TMEM259: variants seen among roughly 807,000 people sequenced by gnomAD.
The protein encoded by TMEM259 is transmembrane protein 259, also known as membralin.
Under a neutral mutation model 46.7 loss-of-function variants are expected in TMEM259, and 26 were observed. The ratio of observed to expected loss-of-function variants is 0.56; its 90% CI spans 0.41 to 0.77. The LOEUF is 0.77. TMEM259 is among the 30% of genes least tolerant of loss of function. TMEM259 has a pLI of 0.00. For synonymous variants in TMEM259, 494 were observed against 395.1 expected (o/e 1.25, Z -2.97); for missense variants, 930 against 900.5 (o/e 1.03, Z -0.42).
intron 3 of TMEM259, among the ~76,000 whole-genome samples, chr19:1,012,886 G>T (rs56182816): frequency 6.6e-6 from 1 of 152,168 alleles, no homozygotes. Context: ...CAGAGGCCCC[G>T]GCCCTCTGGA....
chr19:1,014,909 C>T (rs917701474), intron 1 of TMEM259, among the ~76,000 whole-genome samples: 4 of 152,170 alleles, frequency 2.6e-5, no homozygotes, highest in South Asian at 2.1e-4. Context: ...ACACCAGGGC[C>T]CTCTGCCAGC....
chr19:1,011,464 T>TGTC lies in TMEM259; in HGVS notation c.1117_1119dup (p.Asp373dup). ...AGGATGATGTAGAAGGCGGTGGTGGTGTCGTTGAAGAACTCCGACATGATG... is the reference window on the plus strand; with the variant it reads ...AGGATGATGTAGAAGGCGGTGGTGGTGTCGTCGTTGAAGAACTCCGACATGATG... On this transcript the variant is annotated inframe_insertion, in exon 9 of 11. Coordinates refer to ENST00000356663, the MANE Select transcript of TMEM259 (RefSeq NM_001033026.2). 6.4e-7 allele frequency: 1 copy of TGTC among 1,555,350 alleles called. No individual in the cohort carries two copies. The highest frequency in any genetic ancestry group is 1.2e-5 in the South Asian group (1 of 84,750).
intron 1 of TMEM259, among the ~76,000 whole-genome samples, chr19:1,018,234 T>C (rs1216862921): frequency 6.6e-6 from 1 of 152,118 alleles, no homozygotes; most frequent in East Asian, 1.9e-4. Flanking sequence ...TGAGGCTGGA[T>C]GGAGGTCTCC....
intron 2 of TMEM259, chr19:1,013,624 C>G: frequency 2.6e-6 from 1 of 386,728 alleles, no homozygotes; most frequent in South Asian, 3.2e-5. Flanking sequence ...CCATGATGCT[C>G]TGCCCAAACA....
Position 1,012,481 on chromosome 19 carries a change from C to G in TMEM259, c.700G>C (p.Val234Leu). 6.2e-7 allele frequency: 1 copy of G among 1,604,940 alleles called. No individual in the cohort carries two copies. The highest frequency in any genetic ancestry group is 8.5e-7 in the Non-Finnish European group (1 of 1,177,138). ...GACTCACCCAGGGTGACCACCATGA[C>G]GGGGATGCTCAGGCGCTGGCGGGTG... is the stretch of plus-strand genomic sequence containing the variant. Reference protein sequence around the residue: ...QATRQRLSIPVMVVTLDPTRD... With the variant: ...QATRQRLSIPLMVVTLDPTRD... Residue 234 changes from valine (V) to leucine (L), a missense_variant, in exon 4 of 11, where the codon GTC (valine) becomes CTC (leucine). Val to Leu is a conservative substitution (Grantham distance 32). Coordinates refer to ENST00000356663, the MANE Select transcript of TMEM259 (RefSeq NM_001033026.2).
In TMEM259 at chr19:1,020,787, G is replaced by A. The variant is rs374137557; in HGVS notation, c.210C>T (p.Phe70=). 2.7e-5 allele frequency: 37 copies of A among 1,348,038 alleles called. No individual in the cohort carries two copies. Among genetic ancestry groups the A allele is most frequent in the Admixed American group, 3.6e-5 (1 of 27,720 alleles). The allele number at this position is 1,348,038 out of a possible 1,614,324, so 83.5% of individuals were successfully genotyped here. A position where few individuals can be genotyped will look rare whatever the true frequency, so the allele number is the denominator to read the frequency against. ...FPPAFRRLFE[F]FVLLKALFVL... is the part of the protein sequence containing the mutation. ...CCGCGGTCACCTTGAGCAGCACGAAGAACTCGAAGAGACGGCGGAAGGCGG... is the reference window on the plus strand; with the variant it reads ...CCGCGGTCACCTTGAGCAGCACGAAAAACTCGAAGAGACGGCGGAAGGCGG... Residue 70 remains phenylalanine (F), a synonymous_variant, in exon 1 of 11, where the codon TTC becomes TTT. Transcript: ENST00000356663. The surrounding 1 kb of genome is among the most constrained non-coding windows in gnomAD (Gnocchi z 4.0).
chr19:1,012,616 G>A (rs373728375), intron 3 of TMEM259, 43 bp from the exon 4 acceptor site: 11 of 1,538,492 alleles, frequency 7.1e-6, no homozygotes, highest in African/African-American at 2.7e-5. Flanking sequence ...CCCCACACAC[G>A]TCCCCCGCCC....
chr19:1,012,166 G>T lies in TMEM259; in HGVS notation c.741C>A (p.Phe247Leu). 6.2e-7 allele frequency: 1 copy of T among 1,605,702 alleles called. No homozygotes were observed. The highest frequency in any genetic ancestry group is 8.5e-7 in the Non-Finnish European group (1 of 1,176,852). The change falls in exon 5 of 11, where the codon TTC becomes TTA. Residue 247 changes from phenylalanine (F) to leucine (L), a missense_variant. By Grantham distance (22) the Phe-to-Leu change is conservative (BLOSUM62 0). Transcript: ENST00000356663. ...GCAGCAGGCGGCTGAAGCGGTCCCC[G>T]AAGCACTGGTCCCGCGTGGGGTCTG... The part of the protein sequence containing the change: ...VTLDPTRDQC[F>L]GDRFSRLLLD...
Position 1,021,080 on chromosome 19 carries a change from C to A in TMEM259, c.-84G>T, listed in dbSNP as rs1419581772. ...ATCGGCCGCCCTCGCAGCCGCCGCT[C>A]TCCTCACGGCCTCCCGGCCGCCGCC... is the stretch of plus-strand genomic sequence containing the variant. On this transcript the variant is annotated 5_prime_UTR_variant, in exon 1 of 11. Coordinates refer to ENST00000356663, the MANE Select transcript of TMEM259 (RefSeq NM_001033026.2). The A allele has an allele frequency of 1.3e-5, 16 of 1,234,836 alleles. No homozygotes were observed. Among genetic ancestry groups the A allele is most frequent in the Non-Finnish European group, 1.0e-6 (1 of 978,928 alleles). 76.5% of individuals were successfully genotyped at this position (1,234,836 alleles called of 1,614,324 possible).
chr19:1,020,738 G>A lies in TMEM259; in HGVS notation c.225+34C>T. ...AGACTTGGGGGTCGGGACAGCCGCT[G>A]GGGTCAAGGGTCGGGGGTCGGGGCC... is the stretch of plus-strand genomic sequence containing the variant. On this transcript the variant is annotated intron_variant, in intron 1 of 10. Transcript: ENST00000356663. This position sits in a 1 kb window ranked among gnomAD's most constrained non-coding sequence, Gnocchi z 4.0. 7.8e-7 allele frequency: 1 copy of A among 1,277,704 alleles called. No homozygotes were observed. The highest frequency in any genetic ancestry group is 1.0e-6 in the Non-Finnish European group (1 of 1,003,252). The allele number at this position is 1,277,704 out of a possible 1,614,324, so 79.1% of individuals were successfully genotyped here.
intron 2 of TMEM259, 160 bp from the exon 3 acceptor site, chr19:1,013,500 T>G: frequency 3.1e-6 from 2 of 638,794 alleles, no homozygotes; most frequent in South Asian, 1.9e-5. Flanking sequence ...CCGCCTCAGC[T>G]GGGACCCCAC....
chr19:1,017,065 G>A (rs751677112), intron 1 of TMEM259, among the ~76,000 whole-genome samples: 12 of 152,156 alleles, frequency 7.9e-5, no homozygotes, highest in South Asian at 2.1e-4. Context: ...GCCCGTTGCC[G>A]CCAAAGCCTC....
rs770281511 is a variant in TMEM259 at position 1,020,276 on chromosome 19, G to C, written c.225+496C>G. ...GGAGTCGACTTCCAGGACAGGGGTT[G>C]GTCCGAGGGAGACCTGCGTCAGGCT... On this transcript the variant is annotated intron_variant, in intron 1 of 10. Coordinates refer to ENST00000356663, the MANE Select transcript of TMEM259 (RefSeq NM_001033026.2). This position sits in a 1 kb window ranked among gnomAD's most constrained non-coding sequence, Gnocchi z 4.0. Among the ~76,000 whole-genome samples the C allele has an allele frequency of 5.9e-5, 9 of 151,964 alleles. No individual in the cohort carries two copies. The highest frequency in any genetic ancestry group is 1.2e-4 in the Non-Finnish European group (8 of 67,974).
At position 1,014,223 on chromosome 19, in the gene TMEM259, G is replaced by A; in HGVS notation, c.476C>T (p.Thr159Ile). 6.2e-7 allele frequency: 1 copy of A among 1,611,118 alleles called. No individual in the cohort carries two copies. Among genetic ancestry groups the A allele is most frequent in the Non-Finnish European group, 8.5e-7 (1 of 1,177,882 alleles). The change falls in exon 2 of 11, where the codon ACC becomes ATC. Residue 159 changes from threonine to isoleucine, a missense_variant. Thr to Ile is a moderately conservative substitution (Grantham distance 89). Transcript: ENST00000356663. Reference sequence around the variant, plus strand: ...GGAGCTGTTCCCAAACATCTCCATGGTCAGCTCTTCCTCCTCCTCATCTTC... The same window carrying A: ...GGAGCTGTTCCCAAACATCTCCATGATCAGCTCTTCCTCCTCCTCATCTTC... Reference protein sequence around the residue: ...DMEDEEEEELTMEMFGNSSIK... With the variant: ...DMEDEEEEELIMEMFGNSSIK...
rs968119624 is a variant in TMEM259, at chr19:1,020,939, C to G, written c.58G>C (p.Gly20Arg). 3 of 1,257,640 alleles carry G rather than the reference C, an allele frequency of 2.4e-6. No individual in the cohort carries two copies. Among genetic ancestry groups the G allele is most frequent in the Admixed American group, 8.6e-5 (2 of 23,358 alleles). The allele number at this position is 1,257,640 out of a possible 1,614,324, so 77.9% of individuals were successfully genotyped here. A position where few individuals can be genotyped will look rare whatever the true frequency, so the allele number is the denominator to read the frequency against. Residue 20 changes from glycine to arginine, a missense_variant, in exon 1 of 11, where the codon GGC (glycine) becomes CGC (arginine). Coordinates refer to ENST00000356663, the MANE Select transcript of TMEM259 (RefSeq NM_001033026.2). This position sits in a 1 kb window ranked among gnomAD's most constrained non-coding sequence, Gnocchi z 4.0. ...CGAGGCCCGCGCGCGGGGGCCGGGC[C>G]GCCGCCGCCGCCGTTGGGCCCGGGC... ...PGPGPNGGGGGPAPARGPRTP... is the reference protein window; with the variant it reads ...PGPGPNGGGGRPAPARGPRTP...
In TMEM259 at chr19:1,013,246, G is replaced by C. The variant is rs763454305; in HGVS notation, c.602C>G (p.Thr201Ser). ...ACCTTTGGTGGGTGGCCTACCTTTG[G>C]TGGGCGTCTCGGGGAAGGGGAACTC... ...SQEFPFPETP[T>S]KVWPQDEYIV... is the part of the protein sequence containing the mutation. Residue 201 changes from threonine to serine, a missense_variant, in exon 3 of 11, where the codon ACC becomes AGC. Transcript: ENST00000356663. 1 of 1,613,684 alleles carries C rather than the reference G, an allele frequency of 6.2e-7. No homozygotes were observed. Among genetic ancestry groups the C allele is most frequent in the Non-Finnish European group, 8.5e-7 (1 of 1,179,692 alleles).
intron 2 of TMEM259, among the ~76,000 whole-genome samples, chr19:1,013,945 C>T (rs1303683124): frequency 1.3e-5 from 2 of 152,196 alleles, no homozygotes; most frequent in African/African-American, 2.4e-5. Context: ...CGAGTCTGCC[C>T]AGCCCAAGTC....
rs567001833 is a variant in TMEM259 at position 1,010,746 on chromosome 19, C to T, written c.1467G>A (p.Pro489=). The T allele has an allele frequency of 1.1e-5, 17 of 1,533,880 alleles. No homozygotes were observed. The highest frequency in any genetic ancestry group is 5.5e-5 in the African/African-American group (4 of 73,036). Residue 489 remains proline, a synonymous_variant, in exon 11 of 11, where the codon CCG becomes CCA. Transcript: ENST00000356663. ...PDDMNNNSGA[P]ATAPDSAGQP... ...GGCCGGCAGAGTCAGGGGCTGTAGC[C>T]GGGGCGCCCGAGTTGTTGTTCATGT... is the stretch of plus-strand genomic sequence containing the variant.
intron 9 of TMEM259, 23 bp from the exon 10 acceptor site, chr19:1,011,218 C>CGGG: frequency 6.4e-7 from 1 of 1,562,912 alleles, no homozygotes; most frequent in Non-Finnish European, 8.7e-7. Flanking sequence ...GTGAGGGCGT[C>CGGG]GGGGCTGCAG....
Sources: allele counts gnomAD v4.1 joint callset (sites outside exome capture counted in the v4.1 genomes callset), GRCh38; gene constraint gnomAD v4.1.1; non-coding constraint Gnocchi (gnomAD v3.1); transcripts MANE v1.5; gene names NCBI Gene and HGNC (gene_info 2026-07-23, HGNC 2026-07-21).